RAP1A: variants seen among roughly 807,000 people sequenced by gnomAD.
RAP1A encodes the protein RAP1A, member of RAS oncogene family.
A neutral mutation model predicts 26.4 loss-of-function variants in RAP1A; 6 were observed. That is an observed-to-expected ratio of 0.23 (90% CI 0.12 to 0.45). RAP1A has a LOEUF of 0.45. Ranked by LOEUF, RAP1A falls within the 20% of genes least tolerant of loss-of-function variation. RAP1A has a pLI of 0.99. For synonymous variants in RAP1A, 73 were observed against 79.4 expected, an observed-to-expected ratio of 0.92 and a Z score of 0.43; for missense variants, 121 against 217.2, an observed-to-expected ratio of 0.56 and a Z score of 2.78.
At chr1:111,649,372 A>G (rs1345872923) in intron 1 of RAP1A, 1 of 382,442 alleles carries the variant, frequency 2.6e-6, no homozygotes, top group East Asian at 6.4e-5. Flanking sequence ...CCCCTCGGCC[A>G]TCCCTGCAGC....
intron 1 of RAP1A, among the ~76,000 whole-genome samples, chr1:111,660,850 C>T (rs957784080): frequency 1.3e-5 from 2 of 152,222 alleles, no homozygotes; most frequent in East Asian, 1.9e-4. Flanking sequence ...TGTTCCTTAT[C>T]GAAGTCACCA....
At chr1:111,689,813 G>T (rs1557893670) in intron 1 of RAP1A, among the ~76,000 whole-genome samples, 1 of 152,000 alleles carries the variant, frequency 6.6e-6, no homozygotes. Context: ...GGGACCACAG[G>T]CACCCGCCAC....
chr1:111,555,973 AGG>A (rs1657476773), intron 1 of RAP1A, among the ~76,000 whole-genome samples: 1 of 152,236 alleles, frequency 6.6e-6, no homozygotes, highest in Non-Finnish European at 1.5e-5. Flanking sequence ...TGGATTGAAA[AGG>A]AAACTCACAG....
At chr1:111,547,226 G>C (rs1657064312) in intron 1 of RAP1A, among the ~76,000 whole-genome samples, 1 of 151,672 alleles carries the variant, frequency 6.6e-6, no homozygotes, top group Non-Finnish European at 1.5e-5. Flanking sequence ...GTTAGCAGTG[G>C]GTTTTTCAAA....
intron 1 of RAP1A, among the ~76,000 whole-genome samples, chr1:111,553,154 T>G (rs889675350): frequency 2.6e-5 from 4 of 152,244 alleles, no homozygotes; most frequent in African/African-American, 4.8e-5. Flanking sequence ...GATGGCCTTA[T>G]TTTTGGACTG....
chr1:111,667,075 G>A (rs1241487728), intron 1 of RAP1A, among the ~76,000 whole-genome samples: 5 of 152,170 alleles, frequency 3.3e-5, no homozygotes, highest in African/African-American at 1.2e-4. Context: ...CAATGTAGAG[G>A]AACTCAAGTG....
chr1:111,553,193 T>C (rs1395271679), intron 1 of RAP1A, among the ~76,000 whole-genome samples: 1 of 152,228 alleles, frequency 6.6e-6, no homozygotes, highest in Non-Finnish European at 1.5e-5. Flanking sequence ...AACAGATTTG[T>C]TTATTGTACA....
chr1:111,657,219 T>G (rs1339452937), intron 1 of RAP1A, among the ~76,000 whole-genome samples: 3 of 152,192 alleles, frequency 2.0e-5, no homozygotes, highest in Non-Finnish European at 2.9e-5. Flanking sequence ...ACACCAGAAG[T>G]GGAACATTTT....
intron 1 of RAP1A, among the ~76,000 whole-genome samples, chr1:111,690,629 T>C (rs916543367): frequency 4.6e-5 from 7 of 152,252 alleles, no homozygotes; most frequent in Non-Finnish European, 1.0e-4. Flanking sequence ...GTTCTGGCTG[T>C]TATTGTGGGT....
intron 4 of RAP1A, among the ~76,000 whole-genome samples, chr1:111,702,965 T>C (rs7536042): frequency 0.087 from 13,270 of 152,240 alleles, 775 homozygotes; most frequent in African/African-American, 0.18. Context: ...AGTAGAGATA[T>C]TGATTCTGGA....
intron 1 of RAP1A, among the ~76,000 whole-genome samples, chr1:111,561,343 C>T (rs1279942178): frequency 6.6e-6 from 1 of 152,170 alleles, no homozygotes; most frequent in Non-Finnish European, 1.5e-5. Flanking sequence ...AGGCTGGTCT[C>T]AAACTCCTGG....
chr1:111,697,665 T>C (rs1178991602), intron 4 of RAP1A, among the ~76,000 whole-genome samples, 168 bp downstream of exon 4: 1 of 152,192 alleles, frequency 6.6e-6, no homozygotes, highest in African/African-American at 2.4e-5. Context: ...TCTGATGTAG[T>C]TCATGCTCAC....
At chr1:111,642,414 T>G (rs1355804983) in intron 1 of RAP1A, among the ~76,000 whole-genome samples, 1 of 152,170 alleles carries the variant, frequency 6.6e-6, no homozygotes, top group South Asian at 2.1e-4. Flanking sequence ...GTAGTCTATT[T>G]TCTAACATTT....
intron 7 of RAP1A, 80 bp from the exon 8 acceptor site, chr1:111,712,351 A>G (rs1557901455): frequency 6.6e-6 from 1 of 152,434 alleles, no homozygotes; most frequent in Non-Finnish European, 1.5e-5. Flanking sequence ...TATTTTATTG[A>G]ATACCTGCTT....
intron 1 of RAP1A, among the ~76,000 whole-genome samples, chr1:111,630,488 T>A (rs1179549018): frequency 6.6e-6 from 1 of 152,184 alleles, no homozygotes; most frequent in Non-Finnish European, 1.5e-5. Flanking sequence ...GGGTTGATGA[T>A]AGTAGAGAGA....
intron 3 of RAP1A, among the ~76,000 whole-genome samples, chr1:111,696,846 GC>G (rs1431845463): frequency 1.3e-5 from 2 of 152,100 alleles, no homozygotes; most frequent in African/African-American, 4.8e-5. Flanking sequence ...TTCACATAGA[GC>G]TTTTCTAGAA....
intron 1 of RAP1A, 129 bp downstream of exon 1, chr1:111,620,063 T>C: frequency 2.6e-6 from 1 of 391,880 alleles, no homozygotes; most frequent in Non-Finnish European, 4.5e-6. Context: ...CCGCGTTCCA[T>C]CGGTGTCGGG....
intron 1 of RAP1A, among the ~76,000 whole-genome samples, chr1:111,673,257 C>G (rs1198192953): frequency 1.3e-5 from 2 of 152,120 alleles, no homozygotes; most frequent in Non-Finnish European, 2.9e-5. Context: ...ATTTATGATC[C>G]CTGTAAATAT....
In RAP1A at chr1:111,688,307, A is replaced by T. The variant is rs1056871475; in HGVS notation, c.-27-3027A>T. On this transcript the variant is annotated intron_variant, in intron 1 of 7. Coordinates refer to ENST00000369709, the MANE Select transcript of RAP1A (RefSeq NM_002884.4). ...TGTGTGTGTGTGTGTGTGTATATAT[A>T]TTTTTTTCTTTCTTTCTTTTTTTTT... is the stretch of plus-strand genomic sequence containing the variant. 1.6e-3 allele frequency among the ~76,000 whole-genome samples: 196 copies of T among 124,138 alleles called. 1 individual carries two copies. The highest frequency in any genetic ancestry group is 3.5e-3 in the African/African-American group (113 of 32,690). The allele number at this position is 124,138 out of a possible 152,430, so 81.4% of individuals were successfully genotyped here.
Sources: allele counts gnomAD v4.1 joint callset (sites outside exome capture counted in the v4.1 genomes callset), GRCh38; gene constraint gnomAD v4.1.1; transcripts MANE v1.5; gene names NCBI Gene and HGNC (gene_info 2026-07-23, HGNC 2026-07-21).